Variants in GYPB observed in about 807,000 individuals in gnomAD.
GYPB encodes the protein glycophorin-B.
GYPB carries 13 observed loss-of-function variants against 15.3 expected under a neutral mutation model. The observed-to-expected ratio is 0.85, with a 90% CI of 0.55 to 1.35. The LOEUF is 1.35. Among genes scored for constraint, GYPB ranks in the 40% most tolerant of loss-of-function variants. GYPB has a pLI of 0.00. For missense variants in GYPB, 131 were observed against 108.3 expected, an observed-to-expected ratio of 1.21 and a Z score of -0.93; for synonymous variants, 38 against 36.9, an observed-to-expected ratio of 1.03 and a Z score of -0.11.
intron 1 of GYPB, among the ~76,000 whole-genome samples, chr4:144,005,240 A>G (rs866882244): frequency 5.9e-5 from 9 of 151,970 alleles, no homozygotes; most frequent in Non-Finnish European, 1.0e-4. Flanking sequence ...TCAGATTAGC[A>G]TATCTGGTAA....
intron 1 of GYPB, chr4:144,012,669 T>A (rs1579067694): frequency 6.6e-6 from 1 of 151,512 alleles, no homozygotes; most frequent in East Asian, 1.9e-4. Context: ...AACTCATATA[T>A]CCATGGCCAA....
intron 1 of GYPB, among the ~76,000 whole-genome samples, chr4:144,014,812 AGT>A (rs1222324121): frequency 6.6e-6 from 1 of 151,596 alleles, no homozygotes; most frequent in East Asian, 1.9e-4. Context: ...TTAAAAATTA[AGT>A]GTATGTAAAT....
intron 1 of GYPB, among the ~76,000 whole-genome samples, chr4:144,014,561 A>G (rs1198820984): frequency 6.6e-6 from 1 of 151,598 alleles, no homozygotes; most frequent in Non-Finnish European, 1.5e-5. Context: ...TTCCATTTAT[A>G]TGAAATATCT....
At chr4:143,996,741 G>A (rs1181547599) in intron 4 of GYPB, among the ~76,000 whole-genome samples, 33 of 149,728 alleles carry the variant, frequency 2.2e-4, no homozygotes, top group Middle Eastern at 3.4e-3. Flanking sequence ...CTTTGCACTC[G>A]AGCCTGGGTG....
At chr4:144,002,109 T>C (rs1279728141) in intron 1 of GYPB, among the ~76,000 whole-genome samples, 2 of 151,232 alleles carry the variant, frequency 1.3e-5, no homozygotes, top group Non-Finnish European at 2.9e-5. Context: ...GCAATACATT[T>C]CAAATTTATA....
chr4:144,010,823 G>A (rs1345082583), intron 1 of GYPB, among the ~76,000 whole-genome samples: 4 of 151,352 alleles, frequency 2.6e-5, no homozygotes. Context: ...CCACTAAAAT[G>A]GGAATTCTGA....
chr4:144,000,818 C>T (rs1283289642), intron 2 of GYPB, among the ~76,000 whole-genome samples: 1 of 151,130 alleles, frequency 6.6e-6, no homozygotes, highest in Non-Finnish European at 1.5e-5. Context: ...GGCAACTCAC[C>T]CTGGGTCAGC....
At chr4:144,008,246 T>C in intron 1 of GYPB, 1 of 382,602 alleles carries the variant, frequency 2.6e-6, no homozygotes, top group South Asian at 1.9e-5. Flanking sequence ...TACTGTGATC[T>C]ATGTAGCAGA....
At chr4:143,995,440 G>A (rs1286189576), downstream of GYPB, among the ~76,000 whole-genome samples, 2 of 151,274 alleles carry the variant, frequency 1.3e-5, 1 homozygote, top group African/African-American at 4.9e-5. Context: ...CAAGGGTAAG[G>A]CAGTCAGAAT....
intron 1 of GYPB, among the ~76,000 whole-genome samples, chr4:144,018,891 G>T (rs1560719178): frequency 6.6e-6 from 1 of 151,282 alleles, no homozygotes; most frequent in Non-Finnish European, 1.5e-5. Flanking sequence ...CAACACCTTT[G>T]TTAATAACTC....
Position 143,996,115 on chromosome 4 carries a change from T to A in GYPB, c.*184A>T. ...CTATAATACATGAAAACGGTTTGTA[T>A]TTTGTTTTATTTTTATTTAGAAGTA... On this transcript the variant is annotated 3_prime_UTR_variant, in exon 5 of 5. Coordinates refer to ENST00000502664, the MANE Select transcript of GYPB (RefSeq NM_002100.6). The A allele has an allele frequency of 3.5e-6, 5 of 1,409,566 alleles. No homozygotes were observed. The highest frequency in any genetic ancestry group is 4.7e-6 in the Non-Finnish European group (5 of 1,065,032). 87.3% of individuals were successfully genotyped at this position (1,409,566 alleles called of 1,614,324 possible).
At chr4:144,001,459 C>G (rs924435431) in intron 1 of GYPB, among the ~76,000 whole-genome samples, 176 bp from the exon 2 acceptor site, 2 of 151,372 alleles carry the variant, frequency 1.3e-5, no homozygotes, top group Non-Finnish European at 2.9e-5. Context: ...GTATTATTGG[C>G]CTTATTTTAA....
intron 1 of GYPB, among the ~76,000 whole-genome samples, chr4:144,015,271 C>T (rs1311003511): frequency 2.0e-5 from 3 of 150,842 alleles, no homozygotes; most frequent in South Asian, 2.1e-4. Flanking sequence ...GAGATAAGCC[C>T]GGAATTTTTT....
chr4:144,018,219 A>G (rs1199999498), intron 1 of GYPB, among the ~76,000 whole-genome samples: 1 of 151,414 alleles, frequency 6.6e-6, no homozygotes, highest in Non-Finnish European at 1.5e-5. Context: ...AAAGACGAGG[A>G]CACATAAAAA....
At chr4:144,017,093 T>G (rs1232087365) in intron 1 of GYPB, among the ~76,000 whole-genome samples, 1 of 150,932 alleles carries the variant, frequency 6.6e-6, no homozygotes, top group Non-Finnish European at 1.5e-5. Context: ...GCTCCCACCC[T>G]CCGTGTATCC....
At chr4:143,995,446 A>G (rs1176883017), downstream of GYPB, among the ~76,000 whole-genome samples, 3 of 151,308 alleles carry the variant, frequency 2.0e-5, no homozygotes, top group Non-Finnish European at 1.5e-5. Flanking sequence ...TAAGGCAGTC[A>G]GAATGTATCT....
intron 2 of GYPB, chr4:144,000,076 A>AC (rs34487421): frequency 0.21 from 38,507 of 180,342 alleles, 2,405 homozygotes; most frequent in Middle Eastern, 0.29. Context: ...AAGCTCTCTT[A>AC]TACCAAAGCC....
rs548884166 is a variant in GYPB at position 144,006,054 on chromosome 4, G to T, written c.38-4771C>A. Among the ~76,000 whole-genome samples, 186 of 151,666 alleles carry T rather than the reference G, an allele frequency of 1.2e-3. 1 individual carries two copies. Among genetic ancestry groups the T allele is most frequent in the African/African-American group, 4.2e-3 (172 of 40,924 alleles). ...AGTGCAAAATAAAATACAAAGGTATGTTTTGTCATATTAGTGAGGCCTCAA... is the reference window on the plus strand; with the variant it reads ...AGTGCAAAATAAAATACAAAGGTATTTTTTGTCATATTAGTGAGGCCTCAA... On this transcript the variant is annotated intron_variant, in intron 1 of 4. Coordinates refer to ENST00000502664, the MANE Select transcript of GYPB (RefSeq NM_002100.6).
intron 1 of GYPB, among the ~76,000 whole-genome samples, chr4:144,018,618 A>G: frequency 6.6e-6 from 1 of 151,500 alleles, no homozygotes; most frequent in East Asian, 1.9e-4. Flanking sequence ...AAACTAAGTT[A>G]AATTCAAATT....
Sources: gnomAD v4.1 joint callset for allele counts (sites outside exome capture counted in the v4.1 genomes callset) on GRCh38, gnomAD v4.1.1 for gene constraint, MANE v1.5 for transcripts, NCBI Gene and HGNC (gene_info 2026-07-23, HGNC 2026-07-21) for gene names.